The following RPS2 variants were observed in gnomAD, a reference collection of about 807,000 sequenced individuals.
RPS2 encodes the protein small ribosomal subunit protein uS5.
RPS2 carries 8 observed loss-of-function variants against 25.3 expected under a neutral mutation model. The ratio of observed to expected loss-of-function variants is 0.32; its 90% CI spans 0.19 to 0.57. The LOEUF (loss-of-function observed/expected upper bound fraction) is 0.57, where lower values mean the gene tolerates loss of function less well. Among genes scored for constraint, RPS2 ranks in the 20% least tolerant of loss-of-function variants. The pLI is 0.90. For synonymous variants in RPS2, 181 were observed against 161.3 expected (o/e 1.12, Z -0.92); for missense variants, 229 against 408.1 (o/e 0.56, Z 3.78).
chr16:1,964,666 C>T, intron 1 of RPS2, 38 bp from the exon 2 acceptor site: 1 of 1,125,492 alleles, frequency 8.9e-7, no homozygotes. Context: ...TCAGTGTGGC[C>T]TACGCATCTG....
chr16:1,962,736 C>T lies in RPS2; in HGVS notation c.549G>A (p.Lys183=). 6.2e-7 allele frequency: 1 copy of T among 1,600,058 alleles called. No homozygotes were observed. Among genetic ancestry groups the T allele is most frequent in the Non-Finnish European group, 8.5e-7 (1 of 1,173,392 alleles). ...GGCCCATCACCTGCCACCAGCCTACCTTGCAAGGGACAGTGTGGGGCTTGC... is the reference window on the plus strand; with the variant it reads ...GGCCCATCACCTGCCACCAGCCTACTTTGCAAGGGACAGTGTGGGGCTTGC... ...KIGKPHTVPC[K]VTGRCGSVLV... The change falls in exon 5 of 7, where the codon AAG becomes AAA. Residue 183 remains lysine, a splice_region_variant and synonymous_variant. Coordinates refer to ENST00000343262, the MANE Select transcript of RPS2 (RefSeq NM_002952.4).
At chr16:1,963,589 GGGCGAAACTGT>G (rs2083277896) in intron 3 of RPS2, 1 of 353,644 alleles carries the variant, frequency 2.8e-6, no homozygotes. Flanking sequence ...CTAGGCGATA[GGGCGAAACTGT>G]GTAACCGCCC....
chr16:1,962,185 G>C lies in RPS2; in HGVS notation c.795C>G (p.Pro265=), dbSNP rs550562015. Residue 265 remains proline (P), a synonymous_variant, in exon 7 of 7, where the codon CCC becomes CCG. Transcript: ENST00000343262. ...LWKETVFTKS[P]YQEFTDHLVK... ...CGAGGTGGTCAGTGAACTCCTGATA[G>C]GGAGACTTGGTGAATACAGTCTCCT... is the stretch of plus-strand genomic sequence containing the variant. 1.2e-5 allele frequency: 19 copies of C among 1,601,308 alleles called. No individual in the cohort carries two copies. The highest frequency in any genetic ancestry group is 8.5e-6 in the Non-Finnish European group (10 of 1,176,984).
chr16:1,963,407 G>A, intron 3 of RPS2, 151 bp from the exon 4 acceptor site: 1 of 595,276 alleles, frequency 1.7e-6, no homozygotes, highest in Non-Finnish European at 3.1e-6. Flanking sequence ...CACAAGGTCA[G>A]GAGTCCGATA....
chr16:1,964,320 T>C lies in RPS2; in HGVS notation c.223A>G (p.Ile75Val). 1 of 1,613,544 alleles carries C rather than the reference T, an allele frequency of 6.2e-7. No individual in the cohort carries two copies. ...KLGRLVKDMK[I>V]KSLEEIYLFS... ...AGATAGATCTCCTCCAGGGACTTGA[T>C]CTTCATGTCCTTGACCAAGCGGCCC... The change falls in exon 3 of 7, where the codon ATC becomes GTC. Residue 75 changes from isoleucine to valine, a missense_variant. Ile to Val is a conservative substitution (Grantham distance 29). Around this residue, in one of 7 missense-constraint regions of RPS2, gnomAD observed 70 missense variants for 119.0 expected, o/e 0.59. Transcript: ENST00000343262.
intron 6 of RPS2, 44 bp from the exon 7 acceptor site, chr16:1,962,314 G>C: frequency 6.3e-7 from 1 of 1,580,410 alleles, no homozygotes; most frequent in Non-Finnish European, 8.7e-7. Flanking sequence ...GTGTGCTTGA[G>C]GCAAGTCCCC....
At chr16:1,963,974 ACTT>A (rs1040904384) in intron 3 of RPS2, 2 of 433,972 alleles carry the variant, frequency 4.6e-6, no homozygotes, top group African/African-American at 2.0e-5. Flanking sequence ...CACAACCTGA[ACTT>A]CATCATCCTC....
intron 3 of RPS2, 34 bp from the exon 4 acceptor site, chr16:1,963,290 T>TAA: frequency 3.3e-5 from 41 of 1,234,600 alleles, no homozygotes; most frequent in Non-Finnish European, 4.1e-5. Context: ...GGGAGAGCAT[T>TAA]AAAAAAAAAC....
intron 3 of RPS2, 121 bp from the exon 4 acceptor site, chr16:1,963,377 G>A (rs1351894756): frequency 4.7e-6 from 3 of 632,120 alleles, no homozygotes; most frequent in South Asian, 4.0e-5. Context: ...CAGCACTTTG[G>A]GAGACTGAGG....
At chr16:1,963,020 G>A (rs1467453768) in intron 4 of RPS2, 111 bp from the exon 5 acceptor site, 10 of 1,381,592 alleles carry the variant, frequency 7.2e-6, no homozygotes, top group Admixed American at 5.0e-5. Flanking sequence ...AGGCCCATCC[G>A]AGGTCCTGAG....
chr16:1,962,391 G>A (rs1374714840), intron 6 of RPS2, 106 bp downstream of exon 6: 1 of 1,383,910 alleles, frequency 7.2e-7, no homozygotes, highest in Non-Finnish European at 1.0e-6. Flanking sequence ...CGTGCATTAG[G>A]AGAGCCTTTC....
At position 1,964,813 on chromosome 16, in the gene RPS2, T is replaced by C. The variant is rs893449128; in HGVS notation, c.-10A>G. On this transcript the variant is annotated 5_prime_UTR_variant, in exon 1 of 7. Transcript: ENST00000343262. ...AGCGACCAACAGGACTCACGTGTTT[T>C]GTCGGAAAAGAAGAACGAGACCTAC... 8.2e-5 allele frequency: 44 copies of C among 537,408 alleles called. No homozygotes were observed. The highest frequency in any genetic ancestry group is 4.9e-4 in the African/African-American group (24 of 49,236). The allele number at this position is 537,408 out of a possible 1,614,324, so 33.3% of individuals were successfully genotyped here.
At chr16:1,963,713 C>G (rs2083279938) in intron 3 of RPS2, 1 of 436,062 alleles carries the variant, frequency 2.3e-6, no homozygotes, top group African/African-American at 2.0e-5. Context: ...GTAAGGTTAC[C>G]CTATTTCTGC....
intron 1 of RPS2, 72 bp from the exon 2 acceptor site, chr16:1,964,700 A>T: frequency 1.2e-6 from 1 of 849,406 alleles, no homozygotes; most frequent in Non-Finnish European, 1.8e-6. Flanking sequence ...AGACCCAGAC[A>T]AGGGCTCCCG....
At position 1,964,380 on chromosome 16, in the gene RPS2, G is replaced by A. The variant is rs747732014; in HGVS notation, c.178-15C>T. On this transcript the variant is annotated splice_polypyrimidine_tract_variant and intron_variant, in intron 2 of 6. Transcript: ENST00000343262. ...ACGGGCATCCACTAAAGGGAGAAAA[G>A]GCGCCAGTGACCAGGACCGCTCTCC... 4.3e-6 allele frequency: 7 copies of A among 1,613,274 alleles called. No homozygotes were observed. In the Admixed American group the frequency reaches 6.7e-5, roughly 15 times the overall value.
At chr16:1,963,672 T>TC (rs2083279278) in intron 3 of RPS2, 1 of 389,822 alleles carries the variant, frequency 2.6e-6, no homozygotes, top group African/African-American at 2.1e-5. Context: ...CCCCGATCTG[T>TC]CCCCTTCGTT....
chr16:1,963,517 G>A, intron 3 of RPS2: 1 of 385,764 alleles, frequency 2.6e-6, no homozygotes, highest in Non-Finnish European at 5.0e-6. Context: ...TCAGGAGGCT[G>A]AGGCAGGAGA....
At chr16:1,963,099 G>A (rs200716485) in intron 4 of RPS2, 50 bp downstream of exon 4, 92 of 1,471,078 alleles carry the variant, frequency 6.3e-5, no homozygotes, top group Middle Eastern at 5.2e-4. Context: ...ATGCAGAGCC[G>A]AGAGAGTCCC....
At chr16:1,963,912 C>T in intron 3 of RPS2, 1 of 402,550 alleles carries the variant, frequency 2.5e-6, no homozygotes, top group Non-Finnish European at 4.9e-6. Context: ...CAGATGACAG[C>T]TGTCCCGTAC....
Sources: gnomAD v4.1 joint callset for allele counts on GRCh38, gnomAD v4.1.1 for gene constraint, gnomAD v4.1.1 regional missense constraint, MANE v1.5 for transcripts, NCBI Gene and HGNC (gene_info 2026-07-23, HGNC 2026-07-21) for gene names.